AKR1D1: variants seen among roughly 807,000 people sequenced by gnomAD.
The protein encoded by AKR1D1 is aldo-keto reductase family 1 member D1, also known as delta(4)-3-ketosteroid 5-beta-reductase.
Under a neutral mutation model 42.6 loss-of-function variants are expected in AKR1D1, and 32 were observed. The observed-to-expected ratio is 0.75, with a 90% CI of 0.57 to 1.01. The LOEUF (loss-of-function observed/expected upper bound fraction) is 1.01. Ranked by LOEUF, AKR1D1 falls within the 50% of genes least tolerant of loss-of-function variation. The pLI is 0.00. For missense variants in AKR1D1, 364 were observed against 402.2 expected (o/e 0.91, Z 0.81); for synonymous variants, 123 against 135.5 (o/e 0.91, Z 0.64).
intron 5 of AKR1D1, among the ~76,000 whole-genome samples, chr7:138,105,830 A>G (rs1322037518): frequency 6.6e-6 from 1 of 152,130 alleles, no homozygotes; most frequent in Admixed American, 6.5e-5. Flanking sequence ...GGTTGCAGTG[A>G]GCCGAGATTG....
intron 3 of AKR1D1, 122 bp from the exon 4 acceptor site, chr7:138,097,744 G>A: frequency 1.2e-6 from 1 of 855,730 alleles, no homozygotes; most frequent in Non-Finnish European, 1.8e-6. Flanking sequence ...TAGACTGGGT[G>A]ATTTAGAAAC....
chr7:138,077,589 C>A (rs748710379), intron 1 of AKR1D1, among the ~76,000 whole-genome samples: 14 of 152,164 alleles, frequency 9.2e-5, no homozygotes, highest in South Asian at 6.2e-4. Flanking sequence ...AATGGGCTTC[C>A]TTTAAAACAT....
At chr7:138,089,234 C>A (rs1483631536) in intron 2 of AKR1D1, among the ~76,000 whole-genome samples, 3 of 151,768 alleles carry the variant, frequency 2.0e-5, no homozygotes, top group African/African-American at 7.3e-5. Context: ...ACCTGTAGTC[C>A]CAGATACTTG....
rs756861735 is a variant in AKR1D1 at position 138,091,844 on chromosome 7, A to T, written c.338A>T (p.Tyr113Phe). 2.5e-6 allele frequency: 4 copies of T among 1,614,090 alleles called. No individual in the cohort carries two copies. The highest frequency in any genetic ancestry group is 3.4e-6 in the Non-Finnish European group (4 of 1,179,954). Reference sequence around the variant, plus strand: ...ACACTCAGGGTCCTCCAGCTAGATTATGTGGATCTTTACATCATTGAAGTA... The same window carrying T: ...ACACTCAGGGTCCTCCAGCTAGATTTTGTGGATCTTTACATCATTGAAGTA... Reference protein sequence around the residue: ...ERTLRVLQLDYVDLYIIEVPM... With the variant: ...ERTLRVLQLDFVDLYIIEVPM... The change falls in exon 3 of 9, where the codon TAT becomes TTT. Residue 113 changes from tyrosine (Y) to phenylalanine (F), a missense_variant. Coordinates refer to ENST00000242375, the MANE Select transcript of AKR1D1 (RefSeq NM_005989.4).
intron 8 of AKR1D1, among the ~76,000 whole-genome samples, chr7:138,116,071 G>A (rs1030717955): frequency 1.3e-5 from 2 of 151,950 alleles, no homozygotes; most frequent in African/African-American, 4.8e-5. Flanking sequence ...CCTGCTACTT[G>A]GGAGGCTGAG....
At chr7:138,113,335 A>G (rs1357369155) in intron 7 of AKR1D1, among the ~76,000 whole-genome samples, 1 of 151,988 alleles carries the variant, frequency 6.6e-6, no homozygotes, top group Non-Finnish European at 1.5e-5. Context: ...AAAAAATCAT[A>G]TTTAGAGACT....
intron 2 of AKR1D1, among the ~76,000 whole-genome samples, chr7:138,091,486 A>G (rs928193199): frequency 8.5e-5 from 13 of 152,178 alleles, no homozygotes; most frequent in Non-Finnish European, 7.3e-5. Flanking sequence ...CTATACTCAG[A>G]TGACACTGCA....
chr7:138,084,828 C>CCAACACTT (rs1562930629), intron 1 of AKR1D1, among the ~76,000 whole-genome samples: 1 of 151,784 alleles, frequency 6.6e-6, no homozygotes, highest in African/African-American at 2.4e-5. Flanking sequence ...GAGGCTGAGG[C>CCAACACTT]GGGCAGATCA....
At chr7:138,107,602 A>T (rs369527882) in intron 7 of AKR1D1, 22 bp downstream of exon 7, 58 of 1,611,702 alleles carry the variant, frequency 3.6e-5, no homozygotes, top group Non-Finnish European at 4.6e-5. Flanking sequence ...GCTTTTGGAG[A>T]TGTGAAAAGA....
At chr7:138,092,002 G>C (rs375433110) in intron 3 of AKR1D1, 118 bp downstream of exon 3, 44 of 618,242 alleles carry the variant, frequency 7.1e-5, no homozygotes, top group East Asian at 1.4e-4. Flanking sequence ...TCTGCACCAT[G>C]AGCCAATAGC....
chr7:138,111,770 T>C (rs1418104778), intron 7 of AKR1D1, among the ~76,000 whole-genome samples: 2 of 152,242 alleles, frequency 1.3e-5, no homozygotes, highest in Admixed American at 6.5e-5. Flanking sequence ...AGTTCACTTC[T>C]ATTCTCAACA....
At chr7:138,085,770 C>T (rs1206403379) in intron 1 of AKR1D1, among the ~76,000 whole-genome samples, 1 of 151,950 alleles carries the variant, frequency 6.6e-6, no homozygotes, top group Non-Finnish European at 1.5e-5. Context: ...CCTAAATGCT[C>T]TCCTCTGTAC....
intron 7 of AKR1D1, among the ~76,000 whole-genome samples, chr7:138,113,109 G>T (rs3902226): frequency 0.11 from 17,150 of 152,172 alleles, 1,024 homozygotes; most frequent in East Asian, 0.17. Context: ...TTGAGTTCAG[G>T]AGTTTGAGAC....
intron 4 of AKR1D1, among the ~76,000 whole-genome samples, chr7:138,100,859 C>A (rs1794292999): frequency 1.3e-5 from 2 of 151,740 alleles, no homozygotes; most frequent in African/African-American, 4.8e-5. Context: ...TGCCCGCCAC[C>A]ACGCCTGGCT....
intron 8 of AKR1D1, among the ~76,000 whole-genome samples, chr7:138,114,577 C>T (rs9642092): frequency 0.81 from 121,354 of 149,492 alleles, 49,668 homozygotes; most frequent in African/African-American, 0.91. Context: ...GGAGAATTGC[C>T]TGAACCCAGG....
chr7:138,094,538 G>T (rs1244464425), intron 3 of AKR1D1, among the ~76,000 whole-genome samples: 1 of 151,932 alleles, frequency 6.6e-6, no homozygotes, highest in Non-Finnish European at 1.5e-5. Flanking sequence ...AAAAAGAGTG[G>T]GGGGGCAGTC....
At chr7:138,082,775 G>T (rs1446506739) in intron 1 of AKR1D1, among the ~76,000 whole-genome samples, 2 of 152,102 alleles carry the variant, frequency 1.3e-5, no homozygotes, top group African/African-American at 4.8e-5. Flanking sequence ...ATTACTCTGT[G>T]ACTGAATTAT....
chr7:138,114,494 T>C (rs887955774), intron 8 of AKR1D1, among the ~76,000 whole-genome samples: 1 of 151,452 alleles, frequency 6.6e-6, no homozygotes, highest in Non-Finnish European at 1.5e-5. Context: ...ACCCCGTCTC[T>C]ACTAAAAATA....
intron 3 of AKR1D1, among the ~76,000 whole-genome samples, chr7:138,097,566 A>G (rs1794207172): frequency 6.6e-6 from 1 of 152,234 alleles, no homozygotes; most frequent in Admixed American, 6.5e-5. Context: ...TCCTGGGCAC[A>G]TCTAATTGAG....
Sources: gnomAD v4.1 joint callset for allele counts (sites outside exome capture counted in the v4.1 genomes callset) on GRCh38, gnomAD v4.1.1 for gene constraint, MANE v1.5 for transcripts, NCBI Gene and HGNC (gene_info 2026-07-23, HGNC 2026-07-21) for gene names.